Variants in EPHB1 observed in about 807,000 individuals in gnomAD.
EPHB1 encodes EPH receptor B1.
In EPHB1, 30 loss-of-function variants were observed where a neutral mutation model predicts 94.4. That is an observed-to-expected ratio of 0.32 (90% CI 0.24 to 0.43). EPHB1 has a LOEUF of 0.43. EPHB1 is among the 20% of genes least tolerant of loss of function. The pLI, the probability that EPHB1 is intolerant of heterozygous loss-of-function variation, is 1.00. For missense variants in EPHB1, 1,055 were observed against 1,308.3 expected, an observed-to-expected ratio of 0.81 and a Z score of 2.99; for synonymous variants, 522 against 489.1, an observed-to-expected ratio of 1.07 and a Z score of -0.89.
intron 1 of EPHB1, among the ~76,000 whole-genome samples, chr3:134,889,747 C>G (rs771485460): frequency 6.6e-6 from 1 of 151,500 alleles, no homozygotes; most frequent in African/African-American, 2.4e-5. Flanking sequence ...GCGCGATCTC[C>G]GCTTGCTGCA....
intron 3 of EPHB1, among the ~76,000 whole-genome samples, chr3:135,070,495 C>T (rs1346678858): frequency 6.6e-6 from 1 of 152,152 alleles, no homozygotes; most frequent in Non-Finnish European, 1.5e-5. Context: ...CTGGCCAGAA[C>T]TGTGAAACTG....
At chr3:134,814,646 G>A (rs1160143476) in intron 1 of EPHB1, among the ~76,000 whole-genome samples, 1 of 152,192 alleles carries the variant, frequency 6.6e-6, no homozygotes, top group Non-Finnish European at 1.5e-5. Context: ...CTGCAGAAAA[G>A]CCTTCTTCAG....
chr3:135,143,248 A>G (rs1940890624), intron 5 of EPHB1, among the ~76,000 whole-genome samples: 1 of 152,110 alleles, frequency 6.6e-6, no homozygotes, highest in Admixed American at 6.5e-5. Flanking sequence ...TGATGTCCAG[A>G]AAGGGGCTAA....
At chr3:135,187,860 C>A (rs111686933) in intron 10 of EPHB1, among the ~76,000 whole-genome samples, 1 of 152,066 alleles carries the variant, frequency 6.6e-6, no homozygotes, top group East Asian at 1.9e-4. Flanking sequence ...CAGTGAGACT[C>A]CCCTACTCTG....
chr3:135,148,095 A>G (rs2107692856), intron 5 of EPHB1, among the ~76,000 whole-genome samples: 1 of 152,364 alleles, frequency 6.6e-6, no homozygotes, highest in Non-Finnish European at 1.5e-5. Context: ...TTGGCACAAA[A>G]ATCAACTAAA....
chr3:134,910,326 C>T (rs1225325080), intron 1 of EPHB1, among the ~76,000 whole-genome samples: 1 of 152,128 alleles, frequency 6.6e-6, no homozygotes, highest in Non-Finnish European at 1.5e-5. Context: ...TGCCTGTTTG[C>T]CCCCCACTGT....
At chr3:135,186,203 C>T (rs1476548133) in intron 10 of EPHB1, among the ~76,000 whole-genome samples, 2 of 152,062 alleles carry the variant, frequency 1.3e-5, no homozygotes, top group East Asian at 3.8e-4. Flanking sequence ...AACCATTTTC[C>T]CTCACTCTCT....
intron 2 of EPHB1, among the ~76,000 whole-genome samples, chr3:134,939,666 T>C (rs2039077932): frequency 6.6e-6 from 1 of 152,114 alleles, no homozygotes; most frequent in Non-Finnish European, 1.5e-5. Context: ...CCAGGCTGAT[T>C]GGTGGGGAAG....
At chr3:134,994,725 A>G (rs1352323103) in intron 3 of EPHB1, among the ~76,000 whole-genome samples, 1 of 152,182 alleles carries the variant, frequency 6.6e-6, no homozygotes, top group African/African-American at 2.4e-5. Context: ...TGCCCAGCCT[A>G]TATAGCTATA....
intron 3 of EPHB1, among the ~76,000 whole-genome samples, chr3:135,020,749 AT>A (rs1283988575): frequency 2.0e-5 from 3 of 152,136 alleles, no homozygotes; most frequent in Non-Finnish European, 2.9e-5. Flanking sequence ...TTTTCTGCTA[AT>A]TTTTTTAAAA....
intron 1 of EPHB1, among the ~76,000 whole-genome samples, chr3:134,849,130 T>C (rs902415406): frequency 4.6e-5 from 7 of 152,234 alleles, no homozygotes; most frequent in African/African-American, 1.2e-4. Flanking sequence ...GCACACACAC[T>C]GGTCATGGAG....
At chr3:134,996,897 G>T (rs909856797) in intron 3 of EPHB1, among the ~76,000 whole-genome samples, 1 of 151,748 alleles carries the variant, frequency 6.6e-6, no homozygotes, top group African/African-American at 2.4e-5. Flanking sequence ...ATTTGTTTTA[G>T]GCCTGTAGTT....
intron 1 of EPHB1, among the ~76,000 whole-genome samples, chr3:134,801,917 T>C (rs2035941534): frequency 6.6e-6 from 1 of 152,210 alleles, no homozygotes; most frequent in South Asian, 2.1e-4. Flanking sequence ...GAACACACTT[T>C]CCAGGGAGGC....
intron 3 of EPHB1, among the ~76,000 whole-genome samples, chr3:135,043,635 G>A (rs1936916217): frequency 6.6e-6 from 1 of 152,218 alleles, no homozygotes; most frequent in South Asian, 2.1e-4. Flanking sequence ...GTGACTGCCT[G>A]AGGATTCCTT....
At chr3:134,824,573 A>T (rs923232195) in intron 1 of EPHB1, among the ~76,000 whole-genome samples, 2 of 152,166 alleles carry the variant, frequency 1.3e-5, no homozygotes, top group Admixed American at 6.5e-5. Flanking sequence ...GAACTTGCCA[A>T]CCCAGAGTCT....
chr3:135,149,388 G>C (rs1383168480), intron 5 of EPHB1, among the ~76,000 whole-genome samples: 2 of 152,200 alleles, frequency 1.3e-5, no homozygotes, highest in African/African-American at 4.8e-5. Context: ...AGGACTTACT[G>C]TGAAAACCAT....
At chr3:134,811,557 C>CT (rs555958638) in intron 1 of EPHB1, among the ~76,000 whole-genome samples, 7,303 of 147,930 alleles carry the variant, frequency 0.049, 233 homozygotes, top group South Asian at 0.2. Context: ...CTTTTTAAGA[C>CT]TTTTTTTTTT....
intron 2 of EPHB1, among the ~76,000 whole-genome samples, chr3:134,935,734 G>A (rs1400410990): frequency 1.3e-5 from 2 of 152,020 alleles, no homozygotes; most frequent in Non-Finnish European, 2.9e-5. Context: ...ATGAAGGAGG[G>A]CCCCTGGAGA....
At chr3:135,171,929 T>C (rs886239142) in intron 9 of EPHB1, among the ~76,000 whole-genome samples, 50 of 152,192 alleles carry the variant, frequency 3.3e-4, no homozygotes. Context: ...AAACAAGGTT[T>C]AAAACTCAGA....
Sources: gnomAD v4.1 joint callset for allele counts (sites outside exome capture counted in the v4.1 genomes callset) on GRCh38, gnomAD v4.1.1 for gene constraint, MANE v1.5 for transcripts, NCBI Gene and HGNC (gene_info 2026-07-23, HGNC 2026-07-21) for gene names.